The following GCNT2 variants were observed in gnomAD, a reference collection of about 807,000 sequenced individuals.
GCNT2 encodes the protein N-acetyllactosaminide beta-1,6-N-acetylglucosaminyl-transferase.
GCNT2 carries 34 observed loss-of-function variants against 34.2 expected under a neutral mutation model. That is an observed-to-expected ratio of 1.00 (90% CI 0.76 to 1.32). GCNT2 has a LOEUF of 1.32. Ranked by LOEUF, GCNT2 falls within the 40% of genes most tolerant of loss-of-function variation. GCNT2 has a pLI of 0.00. For synonymous variants in GCNT2, 212 were observed against 188.0 expected (o/e 1.13, Z -1.04); for missense variants, 584 against 489.4 (o/e 1.19, Z -1.82).
intron 3 of GCNT2, among the ~76,000 whole-genome samples, chr6:10,562,957 G>A (rs111745965): frequency 6.6e-6 from 1 of 152,142 alleles, no homozygotes; most frequent in African/African-American, 2.4e-5. Flanking sequence ...TCGGGAGTTC[G>A]AGATCAGCCT....
At chr6:10,575,083 G>T in intron 3 of GCNT2, 1 of 558,868 alleles carries the variant, frequency 1.8e-6, no homozygotes. Flanking sequence ...GTTCCTTTTT[G>T]AACAGTACCC....
intron 3 of GCNT2, among the ~76,000 whole-genome samples, chr6:10,564,051 A>C (rs943238363): frequency 6.6e-6 from 1 of 152,032 alleles, no homozygotes; most frequent in South Asian, 2.1e-4. Flanking sequence ...TTTCTCTTTC[A>C]TCCTGATATT....
At chr6:10,530,115 A>C (rs1317203754) in intron 3 of GCNT2, 2 of 341,056 alleles carry the variant, frequency 5.9e-6, no homozygotes, top group African/African-American at 4.2e-5. Flanking sequence ...TAATCACAGC[A>C]CTTTGGGAGG....
intron 3 of GCNT2, among the ~76,000 whole-genome samples, chr6:10,543,369 T>G (rs2113599979): frequency 6.6e-6 from 1 of 151,994 alleles, no homozygotes; most frequent in East Asian, 1.9e-4. Context: ...GTTTGTATTT[T>G]TAGTAGAGAC....
chr6:10,578,217 C>A (rs1197325163), intron 3 of GCNT2, among the ~76,000 whole-genome samples: 1 of 151,570 alleles, frequency 6.6e-6, no homozygotes, highest in Non-Finnish European at 1.5e-5. Context: ...GTAGTGAAAC[C>A]CCGTGTCTAA....
chr6:10,556,409 A>T, intron 3 of GCNT2: 10 of 1,613,508 alleles, frequency 6.2e-6, no homozygotes, highest in Non-Finnish European at 8.5e-6. Context: ...TTGACATTTC[A>T]CCCTTCTTTG....
chr6:10,557,025 T>C, intron 3 of GCNT2: 1 of 1,613,366 alleles, frequency 6.2e-7, no homozygotes, highest in Non-Finnish European at 8.5e-7. Context: ...AACAAGGAAA[T>C]AGTTCAGTAT....
At chr6:10,586,464 G>T in intron 3 of GCNT2, 1 of 1,614,076 alleles carries the variant, frequency 6.2e-7, no homozygotes, top group Non-Finnish European at 8.5e-7. Flanking sequence ...GACAGAGTCT[G>T]TGGTTTATGC....
chr6:10,581,614 T>C (rs1220666719), intron 3 of GCNT2: 1 of 245,540 alleles, frequency 4.1e-6, no homozygotes, highest in Non-Finnish European at 6.5e-6. Flanking sequence ...CTATAAATCA[T>C]GCTGCCACTC....
At chr6:10,548,824 T>C (rs1227769383) in intron 3 of GCNT2, among the ~76,000 whole-genome samples, 1 of 152,014 alleles carries the variant, frequency 6.6e-6, no homozygotes, top group Non-Finnish European at 1.5e-5. Flanking sequence ...AATGGCGTGA[T>C]CTCAGTTCAC....
At chr6:10,595,033 C>T (rs1259084433) in intron 3 of GCNT2, among the ~76,000 whole-genome samples, 1 of 151,918 alleles carries the variant, frequency 6.6e-6, no homozygotes, top group African/African-American at 2.4e-5. Context: ...CTTGTCGAGT[C>T]GGGGTTTTAC....
At chr6:10,618,828 G>T (rs1167473123) in intron 3 of GCNT2, among the ~76,000 whole-genome samples, 1 of 146,816 alleles carries the variant, frequency 6.8e-6, no homozygotes, top group African/African-American at 2.6e-5. Flanking sequence ...TTGCTTAATA[G>T]TGTTTTTCTT....
chr6:10,586,228 A>G (rs1764336559), intron 3 of GCNT2: 2 of 1,614,176 alleles, frequency 1.2e-6, no homozygotes, highest in Admixed American at 1.7e-5. Context: ...TACCTGACCC[A>G]GAATCACTAC....
intron 3 of GCNT2, among the ~76,000 whole-genome samples, chr6:10,591,649 A>AGCTGGTGTGAGTTTCTTCCT (rs1764647768): frequency 6.6e-6 from 1 of 152,112 alleles, no homozygotes; most frequent in African/African-American, 2.4e-5. Flanking sequence ...AGTTTCTTCC[A>AGCTGGTGTGAGTTTCTTCCT]CACCTGCCAC....
intron 3 of GCNT2, among the ~76,000 whole-genome samples, chr6:10,617,743 A>ATTTTTTTTTTTTTTTTTTTT (rs1254996839): frequency 8.9e-6 from 1 of 112,802 alleles, no homozygotes; most frequent in Non-Finnish European, 1.6e-5. Flanking sequence ...CAGAGTCTGC[A>ATTTTTTTTTTTTTTTTTTTT]TTTCTTCTTT....
At chr6:10,585,816 G>A (rs1371203717) in intron 3 of GCNT2, 5 of 1,451,404 alleles carry the variant, frequency 3.4e-6, no homozygotes, top group Non-Finnish European at 4.5e-6. Context: ...AAAAAGGATG[G>A]ACGAGACACC....
intron 3 of GCNT2, among the ~76,000 whole-genome samples, chr6:10,602,561 T>G (rs533927819): frequency 6.6e-6 from 1 of 152,336 alleles, no homozygotes; most frequent in Non-Finnish European, 1.5e-5. Context: ...CTTAGCAATC[T>G]ATATATACTG....
intron 3 of GCNT2, among the ~76,000 whole-genome samples, chr6:10,609,988 A>C (rs901640190): frequency 6.6e-6 from 1 of 152,222 alleles, no homozygotes; most frequent in Non-Finnish European, 1.5e-5. Flanking sequence ...TGACAGGATC[A>C]GTGCTGATTA....
intron 3 of GCNT2, among the ~76,000 whole-genome samples, chr6:10,575,738 T>C (rs996204262): frequency 2.0e-5 from 3 of 152,156 alleles, no homozygotes; most frequent in African/African-American, 7.2e-5. Flanking sequence ...ACTGATGACA[T>C]TCCACCACAA....
Sources: gnomAD v4.1 joint callset for allele counts (sites outside exome capture counted in the v4.1 genomes callset) on GRCh38, gnomAD v4.1.1 for gene constraint, MANE v1.5 for transcripts, NCBI Gene and HGNC (gene_info 2026-07-23, HGNC 2026-07-21) for gene names.